Variants in DLG2 observed in about 807,000 individuals in gnomAD.
DLG2 encodes discs large MAGUK scaffold protein 2.
Under a neutral mutation model 132.5 loss-of-function variants are expected in DLG2, and 45 were observed. That is an observed-to-expected ratio of 0.34 (90% CI 0.27 to 0.44). The LOEUF is 0.44. Ranked by LOEUF, DLG2 falls within the 20% of genes least tolerant of loss-of-function variation. DLG2 has a pLI of 1.00. For synonymous variants in DLG2, 424 were observed against 419.6 expected (o/e 1.01, Z -0.13); for missense variants, 1,045 against 1,196.9 (o/e 0.87, Z 1.87).
intron 4 of DLG2, among the ~76,000 whole-genome samples, chr11:85,216,926 C>T (rs2082649053): frequency 6.6e-6 from 1 of 152,060 alleles, no homozygotes; most frequent in Non-Finnish European, 1.5e-5. Context: ...GAACTCCTGA[C>T]CTCATGATCT....
At chr11:83,844,566 A>C (rs2154022565) in intron 16 of DLG2, among the ~76,000 whole-genome samples, 1 of 150,896 alleles carries the variant, frequency 6.6e-6, no homozygotes, top group Admixed American at 6.6e-5. Flanking sequence ...AAAAAAAAAA[A>C]AAAAGGGCCT....
At chr11:84,863,994 G>A (rs1213015707) in intron 6 of DLG2, among the ~76,000 whole-genome samples, 1 of 152,078 alleles carries the variant, frequency 6.6e-6, no homozygotes, top group Non-Finnish European at 1.5e-5. Context: ...TTTATAAACT[G>A]TGAAGTTTCA....
chr11:85,093,864 A>G (rs2069262471), intron 6 of DLG2, among the ~76,000 whole-genome samples: 1 of 152,202 alleles, frequency 6.6e-6, no homozygotes. Context: ...AATCCAGCCA[A>G]TTGAAGCCTA....
intron 3 of DLG2, among the ~76,000 whole-genome samples, chr11:85,491,628 A>G (rs1001709609): frequency 6.6e-6 from 1 of 152,106 alleles, no homozygotes; most frequent in Non-Finnish European, 1.5e-5. Flanking sequence ...CCAAAAAAGA[A>G]ATTTATTTAA....
At chr11:84,932,600 A>C (rs2048230146) in intron 6 of DLG2, among the ~76,000 whole-genome samples, 1 of 152,106 alleles carries the variant, frequency 6.6e-6, no homozygotes, top group Non-Finnish European at 1.5e-5. Flanking sequence ...TATGAGTGAG[A>C]ACATGCAGTG....
At chr11:84,067,084 C>T (rs909105426) in intron 10 of DLG2, among the ~76,000 whole-genome samples, 13 of 152,068 alleles carry the variant, frequency 8.5e-5, no homozygotes, top group East Asian at 1.9e-4. Context: ...CCTGTAATCC[C>T]GGTGCTTTGG....
intron 7 of DLG2, among the ~76,000 whole-genome samples, chr11:84,260,227 G>A (rs138637204): frequency 1.3e-5 from 2 of 152,044 alleles, no homozygotes; most frequent in African/African-American, 4.8e-5. Flanking sequence ...AAAAAATTGA[G>A]TCATTAGCTC....
At chr11:84,715,054 C>T (rs982110386) in intron 6 of DLG2, among the ~76,000 whole-genome samples, 1 of 151,932 alleles carries the variant, frequency 6.6e-6, no homozygotes, top group Admixed American at 6.6e-5. Context: ...AGGGCAGTTA[C>T]AAAAGGTCCA....
intron 3 of DLG2, among the ~76,000 whole-genome samples, chr11:85,407,174 T>C (rs781408542): frequency 2.0e-5 from 3 of 151,872 alleles, no homozygotes; most frequent in African/African-American, 7.2e-5. Flanking sequence ...TCATGTATGA[T>C]GTTTCAGGCC....
chr11:84,132,292 G>A (rs1451357823), intron 9 of DLG2, among the ~76,000 whole-genome samples: 1 of 151,980 alleles, frequency 6.6e-6, no homozygotes, highest in Non-Finnish European at 1.5e-5. Context: ...AGATTCATCA[G>A]GGTGTTGGCA....
chr11:83,662,458 T>C (rs2074525019), intron 18 of DLG2, among the ~76,000 whole-genome samples: 1 of 152,206 alleles, frequency 6.6e-6, no homozygotes, highest in South Asian at 2.1e-4. Context: ...GAGTGTTATA[T>C]TCTCTTGGGC....
intron 3 of DLG2, among the ~76,000 whole-genome samples, chr11:85,442,087 T>C (rs72951984): frequency 0.029 from 4,342 of 152,104 alleles, 106 homozygotes; most frequent in East Asian, 0.1. Context: ...AGGAAATAAG[T>C]GGCAGGAGAT....
intron 6 of DLG2, among the ~76,000 whole-genome samples, chr11:84,763,032 A>C (rs1158408843): frequency 6.6e-6 from 1 of 152,162 alleles, no homozygotes. Flanking sequence ...CACTCTGCAG[A>C]ATATTCTCCC....
intron 10 of DLG2, among the ~76,000 whole-genome samples, chr11:84,074,036 A>G (rs1056823575): frequency 6.6e-6 from 1 of 152,246 alleles, no homozygotes; most frequent in Admixed American, 6.5e-5. Context: ...TCATGTTGTT[A>G]TAGAGAATAT....
At chr11:85,421,681 G>A (rs1051787607) in intron 3 of DLG2, among the ~76,000 whole-genome samples, 2 of 152,006 alleles carry the variant, frequency 1.3e-5, no homozygotes, top group Non-Finnish European at 2.9e-5. Context: ...CTTGAAATGT[G>A]AGGTACCATT....
intron 6 of DLG2, among the ~76,000 whole-genome samples, chr11:84,900,755 C>G (rs955033955): frequency 6.6e-6 from 1 of 151,986 alleles, no homozygotes; most frequent in African/African-American, 2.4e-5. Context: ...TCTTCTGCAA[C>G]AGAAATGAAA....
At chr11:83,803,321 C>T (rs948604415) in intron 17 of DLG2, among the ~76,000 whole-genome samples, 3 of 152,002 alleles carry the variant, frequency 2.0e-5, no homozygotes, top group African/African-American at 7.2e-5. Flanking sequence ...ATGGTATTTT[C>T]TGTTGTTAAA....
intron 19 of DLG2, among the ~76,000 whole-genome samples, chr11:83,594,951 T>C (rs1206358299): frequency 6.6e-6 from 1 of 152,254 alleles, no homozygotes; most frequent in Non-Finnish European, 1.5e-5. Context: ...CAGCAATTAA[T>C]GAAATTCCTA....
chr11:84,275,356 AT>A (rs11342389), intron 7 of DLG2, among the ~76,000 whole-genome samples: 136,694 of 149,408 alleles, frequency 0.91, 62,830 homozygotes, highest in Non-Finnish European at 0.97. Context: ...ATGTGCTATA[AT>A]TTTTTTTTTT....
Sources: allele counts gnomAD v4.1 joint callset (sites outside exome capture counted in the v4.1 genomes callset), GRCh38; gene constraint gnomAD v4.1.1; transcripts MANE v1.5; gene names NCBI Gene and HGNC (gene_info 2026-07-23, HGNC 2026-07-21).